Variants in GYPE observed in about 807,000 individuals in gnomAD.
GYPE encodes the protein glycophorin E (MNS blood group), also known as glycophorin-E.
A neutral mutation model predicts 11.6 loss-of-function variants in GYPE; 8 were observed. That is an observed-to-expected ratio of 0.69 (90% CI 0.41 to 1.25). The LOEUF (loss-of-function observed/expected upper bound fraction) is 1.25, where lower values mean the gene tolerates loss of function less well. Ranked by LOEUF, GYPE falls within the 50% of genes most tolerant of loss-of-function variation. The pLI is 0.01. For synonymous variants in GYPE, 28 were observed against 29.6 expected, an observed-to-expected ratio of 0.94 and a Z score of 0.18; for missense variants, 90 against 92.8, an observed-to-expected ratio of 0.97 and a Z score of 0.12.
Position 143,887,756 on chromosome 4 carries a change from A to G in GYPE, c.38-7247T>C, listed in dbSNP as rs554482540. ...TAAGTGGCAAATTAGTGCAAAATAA[A>G]ATATAAAGGTATGTTTTGTCATATT... On this transcript the variant is annotated intron_variant, in intron 1 of 3. Coordinates refer to ENST00000358615, the MANE Select transcript of GYPE (RefSeq NM_198682.3). Among the ~76,000 whole-genome samples the G allele has an allele frequency of 9.9e-5, 11 of 110,976 alleles. No homozygotes were observed. In the East Asian group the frequency reaches 3.2e-3, roughly 32 times the overall value. The allele number at this position is 110,976 out of a possible 152,430, so 72.8% of individuals were successfully genotyped here. A position where few individuals can be genotyped will look rare whatever the true frequency, so the allele number is the denominator to read the frequency against.
intron 3 of GYPE, chr4:143,875,569 C>T (rs1743764697): frequency 1.4e-5 from 22 of 1,549,758 alleles, no homozygotes; most frequent in Admixed American, 2.0e-5. Flanking sequence ...GCTACGCCTC[C>T]ACTTCAGCCT....
At chr4:143,900,513 C>T (rs1177002914) in intron 1 of GYPE, among the ~76,000 whole-genome samples, 2 of 139,558 alleles carry the variant, frequency 1.4e-5, no homozygotes, top group Admixed American at 7.5e-5. Flanking sequence ...TTCACAATAG[C>T]CAAAAGGTGG....
chr4:143,898,707 T>C (rs1032657778), intron 1 of GYPE, among the ~76,000 whole-genome samples: 5 of 152,164 alleles, frequency 3.3e-5, no homozygotes, highest in African/African-American at 1.2e-4. Flanking sequence ...AGCTATGGAT[T>C]TATATGATTT....
intron 1 of GYPE, among the ~76,000 whole-genome samples, chr4:143,883,509 A>T (rs1381997194): frequency 3.3e-5 from 1 of 30,516 alleles, no homozygotes; most frequent in Non-Finnish European, 8.0e-5. Flanking sequence ...TTAATTATAA[A>T]TTAATTTATA....
At chr4:143,892,427 G>T (rs1280223088) in intron 1 of GYPE, among the ~76,000 whole-genome samples, 1 of 151,010 alleles carries the variant, frequency 6.6e-6, no homozygotes, top group Non-Finnish European at 1.5e-5. Flanking sequence ...GATCTTTCCT[G>T]CTTTCTCTTG....
intron 2 of GYPE, among the ~76,000 whole-genome samples, chr4:143,879,238 T>A (rs1483439292): frequency 6.6e-6 from 1 of 152,196 alleles, no homozygotes; most frequent in Non-Finnish European, 1.5e-5. Flanking sequence ...TAACCTTCCC[T>A]CTCAGTCCAC....
At chr4:143,902,383 CAT>C (rs1744900833) in intron 1 of GYPE, among the ~76,000 whole-genome samples, 1 of 149,782 alleles carries the variant, frequency 6.7e-6, no homozygotes, top group East Asian at 2.0e-4. Context: ...CTTCACTTAA[CAT>C]GTGCTTTTCA....
Position 143,883,001 on chromosome 4 carries a change from G to C in GYPE, c.38-2492C>G, listed in dbSNP as rs1393686256. Among the ~76,000 whole-genome samples the C allele has an allele frequency of 2.0e-5, 3 of 152,148 alleles. No homozygotes were observed. The East Asian group carries it at 5.8e-4, about 29-fold the overall frequency. On this transcript the variant is annotated intron_variant, in intron 1 of 3. Transcript: ENST00000358615. ...TAGGTGAGTGGTATGGTTTGGATCT[G>C]TGTCATCATCCAAATCTCATGTGGA...
rs1019088398 is a variant in GYPE, at chr4:143,871,994, G to C, written c.*268C>G. The stretch of plus-strand genomic sequence containing the variant: ...GGACACCAAACACAATGAGGCATGG[G>C]ATAAGGATTTCGTGATGAGAATCGG... On this transcript the variant is annotated 3_prime_UTR_variant, in exon 4 of 4. Transcript: ENST00000358615. 6.6e-6 allele frequency: 1 copy of C among 152,284 alleles called. No homozygotes were observed. The highest frequency in any genetic ancestry group is 1.5e-5 in the Non-Finnish European group (1 of 68,004). The allele number at this position is 152,284 out of a possible 1,614,324, so 9.4% of individuals were successfully genotyped here.
chr4:143,875,079 G>T (rs139098060), intron 3 of GYPE, among the ~76,000 whole-genome samples: 1 of 152,032 alleles, frequency 6.6e-6, no homozygotes, highest in Non-Finnish European at 1.5e-5. Context: ...CAGCAGTCAG[G>T]CACCTTGGGT....
intron 1 of GYPE, among the ~76,000 whole-genome samples, chr4:143,900,325 A>G (rs1744812587): frequency 7.8e-6 from 1 of 127,596 alleles, no homozygotes; most frequent in East Asian, 2.3e-4. Context: ...AGAAATTGGC[A>G]CCTCATACAC....
Position 143,875,507 on chromosome 4 carries a change from T to C in GYPE, c.*9+1239A>G, listed in dbSNP as rs1279657136. 9 of 1,551,072 alleles carry C rather than the reference T, an allele frequency of 5.8e-6. No individual in the cohort carries two copies. In the East Asian group the frequency reaches 1.5e-4, roughly 25 times the overall value. ...AGGCAGCATGCAGGCCACATCCTCA[T>C]GCCTGTGATAAAAAGACAGAAGTTT... On this transcript the variant is annotated intron_variant, in intron 3 of 3. Transcript: ENST00000358615.
intron 1 of GYPE, among the ~76,000 whole-genome samples, chr4:143,904,367 T>A (rs1032047885): frequency 2.0e-5 from 3 of 152,144 alleles, no homozygotes; most frequent in African/African-American, 7.2e-5. Context: ...TACGCAATTA[T>A]TATAAGGCAA....
intron 1 of GYPE, among the ~76,000 whole-genome samples, chr4:143,896,954 C>T (rs1246672760): frequency 6.9e-6 from 1 of 144,824 alleles, no homozygotes; most frequent in Non-Finnish European, 1.5e-5. Context: ...GGGAACTGAA[C>T]AATGAGAACA....
At chr4:143,900,576 T>C (rs7676145) in intron 1 of GYPE, among the ~76,000 whole-genome samples, 135,260 of 144,380 alleles carry the variant, frequency 0.94, 64,114 homozygotes, top group East Asian at 1. Context: ...ATGTGATATA[T>C]CAACCCAAAT....
At chr4:143,893,155 T>G (rs1231572766) in intron 1 of GYPE, among the ~76,000 whole-genome samples, 2 of 88,096 alleles carry the variant, frequency 2.3e-5, no homozygotes, top group Admixed American at 1.4e-4. Context: ...TTGTTTTCCA[T>G]TTGCTTGGTA....
At chr4:143,889,619 A>G (rs1744328512) in intron 1 of GYPE, among the ~76,000 whole-genome samples, 1 of 152,212 alleles carries the variant, frequency 6.6e-6, no homozygotes, top group African/African-American at 2.4e-5. Flanking sequence ...CTCCTGCCTC[A>G]TTCTACTGAG....
At chr4:143,896,900 C>T (rs1005268923) in intron 1 of GYPE, among the ~76,000 whole-genome samples, 15 of 151,786 alleles carry the variant, frequency 9.9e-5, no homozygotes, top group Admixed American at 2.6e-4. Flanking sequence ...AGCAAACTAT[C>T]GCAAGGACAA....
intron 1 of GYPE, among the ~76,000 whole-genome samples, chr4:143,894,892 A>G (rs1225695368): frequency 6.6e-6 from 1 of 152,148 alleles, no homozygotes. Flanking sequence ...AAACAGAACC[A>G]AAGACAAAAA....
Sources: gnomAD v4.1 joint callset for allele counts (sites outside exome capture counted in the v4.1 genomes callset) on GRCh38, gnomAD v4.1.1 for gene constraint, MANE v1.5 for transcripts, NCBI Gene and HGNC (gene_info 2026-07-23, HGNC 2026-07-21) for gene names.